Variants in CEP350 observed in about 807,000 individuals in gnomAD.
CEP350 encodes centrosomal protein 350, also known as centrosome-associated protein 350.
Under a neutral mutation model 331.8 loss-of-function variants are expected in CEP350, and 126 were observed. The ratio of observed to expected loss-of-function variants is 0.38; its 90% confidence interval spans 0.33 to 0.44. The LOEUF (loss-of-function observed/expected upper bound fraction) is 0.44, where lower values mean the gene tolerates loss of function less well. Ranked by LOEUF, CEP350 falls within the 20% of genes least tolerant of loss-of-function variation. The pLI, the probability that CEP350 is intolerant of heterozygous loss-of-function variation, is 1.00. For missense variants in CEP350, 3,406 were observed against 3,634.6 expected, an observed-to-expected ratio of 0.94 and a Z score of 1.62; for synonymous variants, 1,200 against 1,259.5, an observed-to-expected ratio of 0.95 and a Z score of 1.00.
chr1:180,003,139 T>C, intron 6 of CEP350, 35 bp from the exon 7 acceptor site: 1 of 1,368,940 alleles, frequency 7.3e-7, no homozygotes. Context: ...AAAGCAACTT[T>C]GATAAGAATA....
chr1:180,101,836 GAAGGATATTGCA>G (rs1660832909), intron 37 of CEP350, among the ~76,000 whole-genome samples: 1 of 152,218 alleles, frequency 6.6e-6, no homozygotes. Flanking sequence ...GGTTTATTAG[GAAGGATATTGCA>G]AAGGATACAG....
At chr1:180,044,286 C>T in intron 21 of CEP350, 113 bp downstream of exon 21, 2 of 1,080,030 alleles carry the variant, frequency 1.9e-6, no homozygotes, top group Non-Finnish European at 2.5e-6. Context: ...ACAGTGTGTG[C>T]CCTTCAAAGT....
chr1:180,039,586 G>C (rs1656617746), intron 17 of CEP350, among the ~76,000 whole-genome samples: 2 of 151,944 alleles, frequency 1.3e-5, no homozygotes, highest in Non-Finnish European at 2.9e-5. Context: ...ATTATGTGTA[G>C]ATCTATTTCT....
chr1:180,114,613 C>T lies in CEP350; in HGVS notation c.*3452C>T, dbSNP rs1437277244. On this transcript the variant is annotated 3_prime_UTR_variant, in exon 38 of 38. Transcript: ENST00000367607. ...CAAAGCATTCTCTGGGAGGTTCAGC[C>T]TCCTTGTGTGTACTGTACTGTGCAG... 1 of 152,614 alleles carries T rather than the reference C, an allele frequency of 6.6e-6. No individual in the cohort carries two copies. The highest frequency in any genetic ancestry group is 1.5e-5 in the Non-Finnish European group (1 of 68,038). 9.5% of individuals were successfully genotyped at this position (152,614 alleles called of 1,614,324 possible). A position where few individuals can be genotyped will look rare whatever the true frequency, so the allele number is the denominator to read the frequency against.
In CEP350 at chr1:180,106,465, C is replaced by T. The variant is rs1417030583; in HGVS notation, c.9190-4532C>T. Reference sequence around the variant, plus strand: ...CCTTATAAAACATTAGTATTGTCTCCTGTTGTCTGATATAGTTTTGAGTCC... The same window carrying T: ...CCTTATAAAACATTAGTATTGTCTCTTGTTGTCTGATATAGTTTTGAGTCC... On this transcript the variant is annotated intron_variant, in intron 37 of 37. Transcript: ENST00000367607. 2.6e-5 allele frequency among the ~76,000 whole-genome samples: 4 copies of T among 152,270 alleles called. No individual in the cohort carries two copies. The East Asian group carries it at 7.7e-4, about 29-fold the overall frequency.
chr1:180,011,605 T>C (rs1024915104), intron 8 of CEP350, among the ~76,000 whole-genome samples: 5 of 152,140 alleles, frequency 3.3e-5, no homozygotes, highest in African/African-American at 1.2e-4. Context: ...CACACCTGGC[T>C]AATTTTTTGT....
intron 37 of CEP350, among the ~76,000 whole-genome samples, chr1:180,099,358 A>G (rs1660662849): frequency 6.6e-6 from 1 of 152,230 alleles, no homozygotes; most frequent in Admixed American, 6.5e-5. Context: ...AGTGAAGGTA[A>G]CAATAATAGT....
At chr1:180,034,768 C>T (rs1224267204) in intron 16 of CEP350, among the ~76,000 whole-genome samples, 2 of 152,086 alleles carry the variant, frequency 1.3e-5, no homozygotes, top group African/African-American at 2.4e-5. Flanking sequence ...CAACTCACCC[C>T]GTTCCCCTCT....
rs115141774 is a variant in CEP350, at chr1:180,068,078, T to G, written c.5567+2806T>G. 9.1e-3 allele frequency among the ~76,000 whole-genome samples: 1,387 copies of G among 152,374 alleles called. 22 individuals are homozygous for G. The highest frequency in any genetic ancestry group is 0.03 in the African/African-American group (1,230 of 41,590). ...ATTGTTATAAATCACCAAAGAGTAG[T>G]CGTCCTTCTCAGTAAGTTTAGCTAG... On this transcript the variant is annotated intron_variant, in intron 27 of 37. Coordinates refer to ENST00000367607, the MANE Select transcript of CEP350 (RefSeq NM_014810.5).
chr1:180,104,588 T>C (rs933685404), intron 37 of CEP350, among the ~76,000 whole-genome samples: 1 of 152,124 alleles, frequency 6.6e-6, no homozygotes, highest in African/African-American at 2.4e-5. Context: ...AAGTGTCCAG[T>C]CTTGTCTTTA....
intron 7 of CEP350, among the ~76,000 whole-genome samples, chr1:180,005,900 G>C (rs926155918): frequency 1.3e-5 from 2 of 152,112 alleles, no homozygotes; most frequent in African/African-American, 4.8e-5. Context: ...CATTCATTCA[G>C]ATCCGTAATT....
At position 180,075,325 on chromosome 1, in the gene CEP350, G is replaced by A. The variant is rs375655312; in HGVS notation, c.5767+104G>A. 19 of 1,187,870 alleles carry A rather than the reference G, an allele frequency of 1.6e-5. No homozygotes were observed. In the South Asian group the frequency reaches 1.7e-4, roughly 10 times the overall value. 73.6% of individuals were successfully genotyped at this position (1,187,870 alleles called of 1,614,324 possible). ...TGCGAGGCTGGGCGCAGTGGCTCAC[G>A]CCTGTAATCCTAACACTTTGGAAGG... is the stretch of plus-strand genomic sequence containing the variant. On this transcript the variant is annotated intron_variant, in intron 28 of 37. Coordinates refer to ENST00000367607, the MANE Select transcript of CEP350 (RefSeq NM_014810.5).
intron 1 of CEP350, among the ~76,000 whole-genome samples, chr1:179,960,843 TA>T (rs1650554241): frequency 2.0e-5 from 3 of 152,286 alleles, no homozygotes; most frequent in South Asian, 4.1e-4. Context: ...TGGTAGGCTA[TA>T]AATACTTTTT....
At chr1:180,086,062 T>G (rs372499178) in intron 31 of CEP350, 7 of 152,230 alleles carry the variant, frequency 4.6e-5, no homozygotes, top group African/African-American at 1.7e-4. Flanking sequence ...ATTCTGTGGC[T>G]TTACCATTGT....
At chr1:180,016,717 A>G (rs1296575635) in intron 11 of CEP350, among the ~76,000 whole-genome samples, 3 of 139,680 alleles carry the variant, frequency 2.1e-5, no homozygotes, top group African/African-American at 5.4e-5. Context: ...ATTGGAGTGC[A>G]GTGGCACAGT....
chr1:180,030,786 G>C (rs1312955138), intron 14 of CEP350, among the ~76,000 whole-genome samples: 2 of 151,988 alleles, frequency 1.3e-5, no homozygotes, highest in Non-Finnish European at 2.9e-5. Flanking sequence ...TTGAGTTACA[G>C]AGTTACCCAT....
Position 180,034,098 on chromosome 1 carries a change from C to G in CEP350, c.3946+16C>G, listed in dbSNP as rs369903704. The G allele has an allele frequency of 6.2e-6, 10 of 1,600,436 alleles. No individual in the cohort carries two copies. The highest frequency in any genetic ancestry group is 3.4e-6 in the Non-Finnish European group (4 of 1,172,810). On this transcript the variant is annotated intron_variant, in intron 16 of 37. Transcript: ENST00000367607. ...CCAATACCAGGTAAGTAGATTCATG[C>G]AATTGTAATTTTTAGAATACGATAT...
intron 14 of CEP350, 63 bp downstream of exon 14, chr1:180,024,645 G>T: frequency 6.6e-7 from 1 of 1,507,698 alleles, no homozygotes; most frequent in African/African-American, 1.4e-5. Flanking sequence ...GTAATCTAAA[G>T]TTATGATTTG....
intron 1 of CEP350, among the ~76,000 whole-genome samples, chr1:179,957,505 A>G (rs1384952656): frequency 6.6e-6 from 1 of 152,194 alleles, no homozygotes; most frequent in Non-Finnish European, 1.5e-5. Flanking sequence ...TGTAAGTTCC[A>G]TGATGGCAGA....
Sources: gnomAD v4.1 joint callset for allele counts (sites outside exome capture counted in the v4.1 genomes callset) on GRCh38, gnomAD v4.1.1 for gene constraint, MANE v1.5 for transcripts, NCBI Gene and HGNC (gene_info 2026-07-23, HGNC 2026-07-21) for gene names.